Variants in PRDM11 observed in about 807,000 individuals in gnomAD.
PRDM11 encodes PR domain-containing protein 11.
A neutral mutation model predicts 97.8 loss-of-function variants in PRDM11; 20 were observed. The ratio of observed to expected loss-of-function variants is 0.20; its 90% CI spans 0.14 to 0.30. PRDM11 has a LOEUF of 0.30. Among genes scored for constraint, PRDM11 ranks in the 10% least tolerant of loss-of-function variants. PRDM11 has a pLI of 1.00. For synonymous variants in PRDM11, 599 were observed against 637.7 expected (o/e 0.94, Z 0.91); for missense variants, 1,139 against 1,555.2 (o/e 0.73, Z 4.50).
At chr11:45,214,784 C>G (rs556120966) in intron 5 of PRDM11, 1 of 152,320 alleles carries the variant, frequency 6.6e-6, no homozygotes, top group African/African-American at 2.4e-5. Flanking sequence ...TATTCTCTTT[C>G]TTCGTTTCCT....
In PRDM11 at chr11:45,215,045, G is replaced by A. The variant is rs142873740; in HGVS notation, c.555-4525G>A. ...TACCTTTTGTTCCCTAAAAGTAAGC[G>A]AGAAGTTCTGGAAAAACAATCACCG... On this transcript the variant is annotated intron_variant, in intron 5 of 7. Transcript: ENST00000683152. Among the ~76,000 whole-genome samples, 25 of 152,338 alleles carry A rather than the reference G, an allele frequency of 1.6e-4. No homozygotes were observed. In the East Asian group the frequency reaches 1.7e-3, roughly 11 times the overall value.
chr11:45,212,117 A>G (rs2135818708), intron 5 of PRDM11, among the ~76,000 whole-genome samples: 1 of 152,302 alleles, frequency 6.6e-6, no homozygotes, highest in East Asian at 1.9e-4. Flanking sequence ...GGCAGTCGTT[A>G]TCATTGCAGA....
upstream of PRDM11, among the ~76,000 whole-genome samples, chr11:45,145,293 G>C (rs1851481397): frequency 1.3e-5 from 2 of 152,174 alleles, no homozygotes; most frequent in Admixed American, 1.3e-4. Flanking sequence ...CTGTGTTTGT[G>C]ACGCCAGAGT....
chr11:45,213,938 C>T (rs1037528433), intron 5 of PRDM11: 10 of 350,202 alleles, frequency 2.9e-5, no homozygotes, highest in Admixed American at 2.7e-4. Flanking sequence ...GGCCTCTGCC[C>T]CCTGTATCTC....
In PRDM11 at chr11:45,206,733, G is replaced by A. The variant is rs1201880176; in HGVS notation, c.554+1955G>A. Among the ~76,000 whole-genome samples the A allele has an allele frequency of 4.6e-5, 7 of 152,202 alleles. No homozygotes were observed. The South Asian group carries it at 8.3e-4, about 18-fold the overall frequency. On this transcript the variant is annotated intron_variant, in intron 5 of 7. Transcript: ENST00000683152. The stretch of plus-strand genomic sequence containing the variant: ...GGCCTTGGGCCTTGGTATTTTTAAA[G>A]CTAGTGATTCTGATGTGCCACTAGC...
chr11:45,105,468 A>T (rs1852045299), intron 1 of PRDM11, among the ~76,000 whole-genome samples: 1 of 152,180 alleles, frequency 6.6e-6, no homozygotes, highest in African/African-American at 2.4e-5. Context: ...TGGAAGCCAG[A>T]CCTCTGCACA....
rs796623950 is a variant in PRDM11, at chr11:45,099,516, G to A, written c.96+3615G>A. Among the ~76,000 whole-genome samples, 328 of 145,362 alleles carry A rather than the reference G, an allele frequency of 2.3e-3. 2 individuals carry two copies. The highest frequency in any genetic ancestry group is 3.9e-3 in the South Asian group (18 of 4,608). ...CCACATCTCCTGGGTCCACAGCCAA[G>A]ACCAGGAGTGAGGAAGCACCTGCCT... On this transcript the variant is annotated intron_variant, in intron 1 of 6. Coordinates refer to the PRDM11 transcript ENST00000530656.
intron 4 of PRDM11, among the ~76,000 whole-genome samples, chr11:45,188,171 G>T (rs1036336648): frequency 1.3e-5 from 2 of 152,166 alleles, no homozygotes; most frequent in Non-Finnish European, 1.5e-5. Context: ...TGATGGTGGT[G>T]GTCATGACAA....
chr11:45,184,776 C>T (rs372937821), intron 4 of PRDM11, among the ~76,000 whole-genome samples: 2 of 152,140 alleles, frequency 1.3e-5, no homozygotes, highest in South Asian at 2.1e-4. Context: ...TATATGGGTC[C>T]GAAGCTTGGA....
intron 5 of PRDM11, among the ~76,000 whole-genome samples, chr11:45,205,004 T>C (rs1459032599): frequency 1.3e-5 from 2 of 152,178 alleles, no homozygotes; most frequent in African/African-American, 4.8e-5. Flanking sequence ...CAGGGACCGC[T>C]CGGGCTGCTC....
At chr11:45,120,187 A>G (rs1590351711) in intron 1 of PRDM11, among the ~76,000 whole-genome samples, 1 of 152,296 alleles carries the variant, frequency 6.6e-6, no homozygotes, top group East Asian at 1.9e-4. Context: ...AAGCACACAG[A>G]AATAAAGCTG....
intron 5 of PRDM11, chr11:45,213,161 G>A (rs1411817131): frequency 1.1e-5 from 5 of 456,578 alleles, no homozygotes; most frequent in Admixed American, 2.3e-5. Flanking sequence ...CACTGGGGGC[G>A]CTGTTACCTC....
At chr11:45,185,387 T>C (rs911355591) in intron 4 of PRDM11, among the ~76,000 whole-genome samples, 6 of 152,104 alleles carry the variant, frequency 3.9e-5, no homozygotes, top group Non-Finnish European at 8.8e-5. Context: ...TGGAGAGTGA[T>C]GGGGGTGGAA....
At chr11:45,184,456 G>A (rs1302339580) in intron 4 of PRDM11, among the ~76,000 whole-genome samples, 3 of 152,200 alleles carry the variant, frequency 2.0e-5, no homozygotes, top group Non-Finnish European at 4.4e-5. Flanking sequence ...TGGGAGTTCT[G>A]TAGTCGGCAA....
At chr11:45,124,093 T>C (rs1418996396) in intron 1 of PRDM11, among the ~76,000 whole-genome samples, 5 of 148,982 alleles carry the variant, frequency 3.4e-5, no homozygotes. Context: ...AGGTATTTTA[T>C]TCTCTTTGAA....
At position 45,226,362 on chromosome 11, in the gene PRDM11, G is replaced by A. The variant is rs150872088; in HGVS notation, c.1737G>A (p.Pro579=). 1,244 of 1,533,964 alleles carry A rather than the reference G, an allele frequency of 8.1e-4. 12 individuals carry two copies. The African/African-American group carries it at 0.015, about 19-fold the overall frequency. The change falls in exon 8 of 8, where the codon CCG becomes CCA. Residue 579 remains proline (P), a synonymous_variant. Transcript: ENST00000683152. The part of the protein sequence containing the change: ...CLQLYKLRMH[P]EKTEEMCRNM... The stretch of plus-strand genomic sequence containing the variant: ...AACTGTACAAGCTCCGCATGCACCC[G>A]GAGAAGACAGAGGAGATGTGTCGCA...
chr11:45,103,016 C>CA (rs1852005140), intron 1 of PRDM11, among the ~76,000 whole-genome samples: 1 of 151,974 alleles, frequency 6.6e-6, no homozygotes, highest in African/African-American at 2.4e-5. Context: ...GAAGCTGACT[C>CA]AGAGTGTGAT....
chr11:45,153,476 C>G (rs1851710655), intron 1 of PRDM11, among the ~76,000 whole-genome samples: 1 of 152,240 alleles, frequency 6.6e-6, no homozygotes, highest in Non-Finnish European at 1.5e-5. Context: ...AGACGGAGCA[C>G]CAGTGAATGG....
intron 5 of PRDM11, among the ~76,000 whole-genome samples, chr11:45,215,546 GA>G (rs977871639): frequency 2.0e-5 from 3 of 152,238 alleles, no homozygotes; most frequent in African/African-American, 7.2e-5. Context: ...AGCCAAATTG[GA>G]AGCTGTAAAA....
Sources: allele counts gnomAD v4.1 joint callset (sites outside exome capture counted in the v4.1 genomes callset), GRCh38; gene constraint gnomAD v4.1.1; transcripts MANE v1.5; gene names NCBI Gene and HGNC (gene_info 2026-07-23, HGNC 2026-07-21).